Variants in PCDHGB1 observed in about 807,000 individuals in gnomAD.
PCDHGB1 encodes the protein protocadherin gamma subfamily B, 1.
PCDHGB1 carries 34 observed loss-of-function variants against 56.6 expected under a neutral mutation model. The ratio of observed to expected loss-of-function variants is 0.60; its 90% confidence interval spans 0.46 to 0.80. PCDHGB1 has a LOEUF of 0.80. Ranked by LOEUF, PCDHGB1 falls within the 30% of genes least tolerant of loss-of-function variation. The probability of loss-of-function intolerance (pLI) is 0.00; values close to 1 mark genes in which losing one functional copy is unlikely to be tolerated. For synonymous variants in PCDHGB1, 561 were observed against 505.9 expected (o/e 1.11, Z -1.46); for missense variants, 1,278 against 1,204.6 (o/e 1.06, Z -0.90).
rs576983336 is a variant in PCDHGB1, at chr5:141,489,165, G to A, written c.2410-5642G>A. 5.8e-4 allele frequency: 625 copies of A among 1,082,080 alleles called. 8 individuals are homozygous for A. The South Asian group carries it at 7.9e-3, about 14-fold the overall frequency. The allele number at this position is 1,082,080 out of a possible 1,614,324, so 67.0% of individuals were successfully genotyped here. On this transcript the variant is annotated intron_variant, in intron 1 of 3. Transcript: ENST00000523390. The surrounding 1 kb of genome is among the most constrained non-coding windows in gnomAD (Gnocchi z 4.5). ...GAAGGAGACATAAGAGACTTCAGCT[G>A]CTGCATTCCAAGCCCTGGGTCTACC...
chr5:141,379,889 C>CTTTT lies in PCDHGB1; in HGVS notation c.2409+27247_2409+27250dup, dbSNP rs70988800. ...CTTATTTTATGGTCTGTGAAAGCCT[C>CTTTT]TTTTTTTTTTTTTTTTTTTTTTTTT... is the stretch of plus-strand genomic sequence containing the variant. On this transcript the variant is annotated intron_variant, in intron 1 of 3. Transcript: ENST00000523390. Among the ~76,000 whole-genome samples, 383 of 50,836 alleles carry CTTTT rather than the reference C, an allele frequency of 7.5e-3. 64 individuals are homozygous for CTTTT. The highest frequency in any genetic ancestry group is 9.2e-3 in the Non-Finnish European group (239 of 25,888). 33.4% of individuals were successfully genotyped at this position (50,836 alleles called of 152,430 possible). A position where few individuals can be genotyped will look rare whatever the true frequency, so the allele number is the denominator to read the frequency against.
Position 141,512,288 on chromosome 5 carries a change from TCAGCGGAGCCCCAGCAGGAAGGGTGGGC to T in PCDHGB1, c.*1120_*1147del, listed in dbSNP as rs1375137843. The T allele has an allele frequency of 6.5e-6, 1 of 152,680 alleles. No individual in the cohort carries two copies. Among genetic ancestry groups the T allele is most frequent in the Non-Finnish European group, 1.5e-5 (1 of 68,182 alleles). The allele number at this position is 152,680 out of a possible 1,614,324, so 9.5% of individuals were successfully genotyped here. ...TCCAGAGGTGCCACTGGTGGAAGGG[TCAGCGGAGCCCCAGCAGGAAGGGTGGGC>T]CAGCCAGGCCATTCTTAGTCCCTGG... On this transcript the variant is annotated 3_prime_UTR_variant, in exon 4 of 4. Coordinates refer to ENST00000523390, the MANE Select transcript of PCDHGB1 (RefSeq NM_018922.3).
intron 1 of PCDHGB1, chr5:141,418,384 C>A (rs774636792): frequency 1.5e-5 from 25 of 1,613,864 alleles, no homozygotes; most frequent in East Asian, 4.5e-5. Context: ...TAAGTCCTAA[C>A]GAGTATTTCT....
chr5:141,370,748 T>C (rs769655229), intron 1 of PCDHGB1: 2 of 1,613,824 alleles, frequency 1.2e-6, no homozygotes, highest in Non-Finnish European at 8.5e-7. Context: ...ACTTTTTTCA[T>C]GTAACTGTGC....
At chr5:141,433,381 A>ATCTC (rs1561869478) in intron 1 of PCDHGB1, among the ~76,000 whole-genome samples, 1 of 151,148 alleles carries the variant, frequency 6.6e-6, no homozygotes, top group Admixed American at 6.6e-5. Flanking sequence ...CTATCTATCT[A>ATCTC]TCTATCTATC....
intron 1 of PCDHGB1, among the ~76,000 whole-genome samples, chr5:141,464,689 TATTATGA>T (rs1378742227): frequency 4.6e-5 from 7 of 152,182 alleles, no homozygotes; most frequent in Admixed American, 2.6e-4. Context: ...AAATTTCTCT[TATTATGA>T]ATGAGGTTAA....
chr5:141,474,981 G>A (rs1336399018), intron 1 of PCDHGB1, among the ~76,000 whole-genome samples: 1 of 152,126 alleles, frequency 6.6e-6, no homozygotes, highest in African/African-American at 2.4e-5. Context: ...ATTTTGTTTG[G>A]TGACAACAAT....
chr5:141,364,386 T>C lies in PCDHGB1; in HGVS notation c.2409+11717T>C, dbSNP rs543592741. 3.8e-6 allele frequency: 6 copies of C among 1,592,054 alleles called. No homozygotes were observed. In the Admixed American group the frequency reaches 8.9e-5, roughly 24 times the overall value. On this transcript the variant is annotated intron_variant, in intron 1 of 3. Transcript: ENST00000523390. ...GGAGAGCTGCTGCTGCCCTTCATGC[T>C]CCTGGGGACGCTGTGCGAGCCAGGA...
intron 1 of PCDHGB1, chr5:141,413,223 G>C (rs1454395834): frequency 6.2e-7 from 1 of 1,613,694 alleles, no homozygotes; most frequent in African/African-American, 1.3e-5. Flanking sequence ...ATTGCAGCGG[G>C]CTGGTCCTGC....
intron 1 of PCDHGB1, chr5:141,421,105 G>A: frequency 1.4e-6 from 1 of 700,910 alleles, no homozygotes; most frequent in Non-Finnish European, 2.3e-6. Context: ...TGGAGACTTA[G>A]AAGTATTTTC....
At chr5:141,500,438 T>C (rs977844035) in intron 2 of PCDHGB1, among the ~76,000 whole-genome samples, 2 of 151,816 alleles carry the variant, frequency 1.3e-5, no homozygotes, top group African/African-American at 4.8e-5. Flanking sequence ...CTCGATCTCC[T>C]GACCTCGTGA....
At chr5:141,507,557 C>T (rs959957585) in intron 3 of PCDHGB1, among the ~76,000 whole-genome samples, 5 of 152,250 alleles carry the variant, frequency 3.3e-5, no homozygotes, top group Middle Eastern at 3.4e-3. Flanking sequence ...AAGTGGCAGG[C>T]GGCTGGGTCT....
intron 2 of PCDHGB1, among the ~76,000 whole-genome samples, chr5:141,498,956 A>G (rs547381859): frequency 2.4e-5 from 3 of 124,058 alleles, no homozygotes; most frequent in African/African-American, 6.3e-5. Context: ...AAAAAGAGAG[A>G]GAGGGAGGGA....
In PCDHGB1 at chr5:141,350,785, C is replaced by A; in HGVS notation, c.525C>A (p.Phe175Leu). 1 of 1,613,294 alleles carries A rather than the reference C, an allele frequency of 6.2e-7. No individual in the cohort carries two copies. The highest frequency in any genetic ancestry group is 8.5e-7 in the Non-Finnish European group (1 of 1,179,758). Reference sequence around the variant, plus strand: ...ACACCATCAACCCCAATCAATACTTCTCTCTGTCAACGAAGGAAAGTCCTG... The same window carrying A: ...ACACCATCAACCCCAATCAATACTTATCTCTGTCAACGAAGGAAAGTCCTG... ...KLYTINPNQY[F>L]SLSTKESPDG... The change falls in exon 1 of 4, where the codon TTC becomes TTA. Residue 175 changes from phenylalanine (F) to leucine (L), a missense_variant. Coordinates refer to ENST00000523390, the MANE Select transcript of PCDHGB1 (RefSeq NM_018922.3).
intron 2 of PCDHGB1, among the ~76,000 whole-genome samples, chr5:141,499,182 C>T (rs980293990): frequency 5.3e-5 from 8 of 152,114 alleles, no homozygotes; most frequent in African/African-American, 1.7e-4. Flanking sequence ...GCCCAGCAAA[C>T]CATTTCCCCC....
chr5:141,371,347 G>A (rs755497433), intron 1 of PCDHGB1: 1 of 1,613,960 alleles, frequency 6.2e-7, no homozygotes, highest in Non-Finnish European at 8.5e-7. Flanking sequence ...TACACAATTG[G>A]GGTGGAAGCA....
In PCDHGB1 at chr5:141,415,757, T is replaced by G. The variant is rs765276447; in HGVS notation, c.2409+63088T>G. The G allele has an allele frequency of 5.6e-3, 7,497 of 1,346,942 alleles. 12 individuals are homozygous for G. The highest frequency in any genetic ancestry group is 0.012 in the East Asian group (422 of 35,004). The allele number at this position is 1,346,942 out of a possible 1,614,324, so 83.4% of individuals were successfully genotyped here. A position where few individuals can be genotyped will look rare whatever the true frequency, so the allele number is the denominator to read the frequency against. ...TTATTAAGGTTTTTTTTTTTTTTTT[T>G]TTTTTTTTTTTTTTTACTTTCTGGT... On this transcript the variant is annotated intron_variant, in intron 1 of 3. Coordinates refer to ENST00000523390, the MANE Select transcript of PCDHGB1 (RefSeq NM_018922.3).
At chr5:141,408,353 G>A (rs1218585930) in intron 1 of PCDHGB1, 1 of 1,613,816 alleles carries the variant, frequency 6.2e-7, no homozygotes, top group Non-Finnish European at 8.5e-7. Flanking sequence ...GGGGAACCTC[G>A]CTAAGGATCT....
chr5:141,360,455 A>T lies in PCDHGB1; in HGVS notation c.2409+7786A>T, dbSNP rs369787624. ...CAGCCTCTGTGTGTTCTGGATTTCG[A>T]TACTGTCGCTGAAAATCCACTAAAT... On this transcript the variant is annotated intron_variant, in intron 1 of 3. Coordinates refer to ENST00000523390, the MANE Select transcript of PCDHGB1 (RefSeq NM_018922.3). The T allele has an allele frequency of 1.4e-5, 22 of 1,613,862 alleles. No individual in the cohort carries two copies. Among genetic ancestry groups the T allele is most frequent in the Non-Finnish European group, 1.7e-5 (20 of 1,179,882 alleles).
Sources: gnomAD v4.1 joint callset for allele counts (sites outside exome capture counted in the v4.1 genomes callset) on GRCh38, gnomAD v4.1.1 for gene constraint, Gnocchi (gnomAD v3.1) non-coding constraint, MANE v1.5 for transcripts, NCBI Gene and HGNC (gene_info 2026-07-23, HGNC 2026-07-21) for gene names.